AGBL4: variants seen among roughly 807,000 people sequenced by gnomAD.
AGBL4 encodes AGBL carboxypeptidase 4.
A neutral mutation model predicts 66.4 loss-of-function variants in AGBL4; 58 were observed. The observed-to-expected ratio is 0.87, with a 90% CI of 0.71 to 1.09. AGBL4 has a LOEUF of 1.09. AGBL4 is among the 50% of genes least tolerant of loss of function. AGBL4 has a pLI of 0.00. For missense variants in AGBL4, 579 were observed against 631.0 expected (o/e 0.92, Z 0.88); for synonymous variants, 234 against 222.9 (o/e 1.05, Z -0.44).
intron 3 of AGBL4, among the ~76,000 whole-genome samples, chr1:49,457,559 G>GT (rs1646417505): frequency 6.6e-6 from 1 of 151,710 alleles, no homozygotes; most frequent in African/African-American, 2.4e-5. Flanking sequence ...AAGCTTTTAA[G>GT]TTTAACTCGG....
At chr1:49,580,075 CT>C (rs35407935) in intron 3 of AGBL4, among the ~76,000 whole-genome samples, 1 of 151,790 alleles carries the variant, frequency 6.6e-6, no homozygotes, top group African/African-American at 2.4e-5. Flanking sequence ...CCTTCTTTGT[CT>C]TTTTTTTAAC....
chr1:48,828,411 A>G (rs889421253), intron 6 of AGBL4, among the ~76,000 whole-genome samples: 2 of 152,148 alleles, frequency 1.3e-5, no homozygotes, highest in Non-Finnish European at 2.9e-5. Flanking sequence ...CCTAGGATCC[A>G]GTGCCACCTG....
In AGBL4 at chr1:49,331,953, C is replaced by T. The variant is rs573704215; in HGVS notation, c.283-86089G>A. ...TCCGGCGGGGAGGAGGAGGCCACCA[C>T]CTTTGCTGTTTGGGCGACTCAGCCA... On this transcript the variant is annotated intron_variant, in intron 3 of 13. Transcript: ENST00000371839. 4.3e-4 allele frequency among the ~76,000 whole-genome samples: 66 copies of T among 152,116 alleles called. 1 individual carries two copies. The South Asian group carries it at 0.014, about 32-fold the overall frequency.
intron 3 of AGBL4, among the ~76,000 whole-genome samples, chr1:49,428,891 C>T (rs1412639706): frequency 2.0e-5 from 3 of 152,198 alleles, no homozygotes; most frequent in Admixed American, 2.0e-4. Flanking sequence ...TTTCCTATCA[C>T]CTGGATATTT....
At chr1:49,131,969 C>G (rs1005552371) in intron 4 of AGBL4, among the ~76,000 whole-genome samples, 1 of 152,002 alleles carries the variant, frequency 6.6e-6, no homozygotes, top group Non-Finnish European at 1.5e-5. Context: ...GACAGAGAAC[C>G]AGGAAGCAAC....
At chr1:49,514,460 C>T (rs1298819620) in intron 3 of AGBL4, among the ~76,000 whole-genome samples, 3 of 151,832 alleles carry the variant, frequency 2.0e-5, no homozygotes, top group East Asian at 1.9e-4. Context: ...GGCCATACTG[C>T]CCAAGGTAAT....
At chr1:49,828,004 T>C (rs1645555691) in intron 2 of AGBL4, among the ~76,000 whole-genome samples, 1 of 152,208 alleles carries the variant, frequency 6.6e-6, no homozygotes, top group Non-Finnish European at 1.5e-5. Flanking sequence ...AGCTTCTAAT[T>C]TTTAGACAAA....
intron 3 of AGBL4, among the ~76,000 whole-genome samples, chr1:49,261,088 T>G (rs563071532): frequency 4.8e-4 from 73 of 151,696 alleles, no homozygotes; most frequent in African/African-American, 1.5e-3. Context: ...TGCAGAAAAG[T>G]CCTTTGACAA....
At chr1:49,639,174 C>A (rs1262401893) in intron 3 of AGBL4, among the ~76,000 whole-genome samples, 1 of 152,138 alleles carries the variant, frequency 6.6e-6, no homozygotes, top group Non-Finnish European at 1.5e-5. Context: ...AATCTGGAAA[C>A]TAAAAACCTC....
intron 4 of AGBL4, among the ~76,000 whole-genome samples, chr1:49,242,424 G>C (rs1651311596): frequency 6.6e-6 from 1 of 151,960 alleles, no homozygotes; most frequent in African/African-American, 2.4e-5. Flanking sequence ...GAATGTGAGA[G>C]GAACAGTAAA....
At chr1:49,743,241 A>C (rs890066419) in intron 2 of AGBL4, among the ~76,000 whole-genome samples, 3 of 152,244 alleles carry the variant, frequency 2.0e-5, no homozygotes, top group Non-Finnish European at 4.4e-5. Context: ...AACTGGGCAA[A>C]GGATATGAAC....
intron 1 of AGBL4, among the ~76,000 whole-genome samples, chr1:49,982,594 T>A (rs1659146951): frequency 6.6e-6 from 1 of 152,150 alleles, no homozygotes; most frequent in Non-Finnish European, 1.5e-5. Context: ...ACCTTCAAGC[T>A]GGGGAGGGCC....
chr1:49,323,525 G>T (rs964263564), intron 3 of AGBL4, among the ~76,000 whole-genome samples: 1 of 147,118 alleles, frequency 6.8e-6, no homozygotes, highest in African/African-American at 2.5e-5. Context: ...TCAAACTCCT[G>T]GGCTCAGGCA....
At chr1:49,232,648 G>A (rs1166892619) in intron 4 of AGBL4, among the ~76,000 whole-genome samples, 7 of 151,404 alleles carry the variant, frequency 4.6e-5, no homozygotes, top group Admixed American at 2.6e-4. Context: ...ACAGTGAGCC[G>A]AGATGGTGCC....
rs577844393 is a variant in AGBL4 at position 48,607,913 on chromosome 1, G to A, written c.952-16928C>T. Reference sequence around the variant, plus strand: ...TTTAATCCTTATGACAACTTTAGTAGGAGGTATTATCCTCATTTTGCTGAT... The same window carrying A: ...TTTAATCCTTATGACAACTTTAGTAAGAGGTATTATCCTCATTTTGCTGAT... On this transcript the variant is annotated intron_variant, in intron 9 of 13. Transcript: ENST00000371839. 2.0e-5 allele frequency among the ~76,000 whole-genome samples: 3 copies of A among 152,292 alleles called. No homozygotes were observed. The East Asian group carries it at 5.8e-4, about 29-fold the overall frequency.
chr1:49,389,087 C>T (rs565878446), intron 3 of AGBL4, among the ~76,000 whole-genome samples: 2 of 152,204 alleles, frequency 1.3e-5, no homozygotes, highest in South Asian at 4.1e-4. Flanking sequence ...AACAAGGTAA[C>T]TAGAATTGGC....
At chr1:48,527,679 G>A in the AGBL4 span, among the ~76,000 whole-genome samples, 1 of 151,914 alleles carries the variant, frequency 6.6e-6, no homozygotes, top group Non-Finnish European at 1.5e-5. Flanking sequence ...CAACTGCTAA[G>A]ACTGGGAGGA....
chr1:49,126,030 A>G (rs1321139165), intron 4 of AGBL4, among the ~76,000 whole-genome samples: 1 of 152,196 alleles, frequency 6.6e-6, no homozygotes, highest in Non-Finnish European at 1.5e-5. Context: ...TGACAAAAAC[A>G]GCTGTTGTAA....
chr1:49,450,838 C>A (rs1200007082), intron 3 of AGBL4, among the ~76,000 whole-genome samples: 1 of 152,014 alleles, frequency 6.6e-6, no homozygotes, highest in Non-Finnish European at 1.5e-5. Context: ...CTCAACAGGG[C>A]ATACTCAGCT....
Sources: gnomAD v4.1 joint callset for allele counts (sites outside exome capture counted in the v4.1 genomes callset) on GRCh38, gnomAD v4.1.1 for gene constraint, MANE v1.5 for transcripts, NCBI Gene and HGNC (gene_info 2026-07-23, HGNC 2026-07-21) for gene names.